Variants in DPYSL4 observed in about 807,000 individuals in gnomAD.
The protein encoded by DPYSL4 is dihydropyrimidinase-related protein 4.
DPYSL4 carries 43 observed loss-of-function variants against 63.4 expected under a neutral mutation model. The ratio of observed to expected loss-of-function variants is 0.68; its 90% confidence interval spans 0.53 to 0.88. The LOEUF (loss-of-function observed/expected upper bound fraction) is 0.88. DPYSL4 is among the 40% of genes least tolerant of loss of function. The pLI, the probability that DPYSL4 is intolerant of heterozygous loss-of-function variation, is 0.00. For missense variants in DPYSL4, 733 were observed against 819.5 expected (o/e 0.89, Z 1.29); for synonymous variants, 353 against 331.7 (o/e 1.06, Z -0.70).
rs746011381 is a variant in DPYSL4, at chr10:132,192,800, C to T, written c.271C>T (p.Gln91Ter). The change falls in exon 3 of 14, where the codon CAG becomes TAG. Residue 91 changes from glutamine to a stop codon, truncating the protein, a stop_gained. Transcript: ENST00000338492. LOFTEE classifies it high-confidence loss of function. ...CATGACACCGGCTGACGACTTCTGT[C>T]AGGGCACCAAGGCAGCGCTAGCAGG... The part of the protein sequence containing the change: ...LGMTPADDFC[Q>*]GTKAALAGGT... 6 of 1,612,868 alleles carry T rather than the reference C, an allele frequency of 3.7e-6. No individual in the cohort carries two copies. The highest frequency in any genetic ancestry group is 5.1e-6 in the Non-Finnish European group (6 of 1,179,854).
chr10:132,192,922 A>T (rs1590091851), intron 3 of DPYSL4, 80 bp downstream of exon 3: 4 of 1,428,004 alleles, frequency 2.8e-6, no homozygotes, highest in Non-Finnish European at 3.7e-6. Context: ...GTGTGGGAGG[A>T]GGAGTGTCGC....
chr10:132,200,705 A>G, intron 9 of DPYSL4, 137 bp from the exon 10 acceptor site: 1 of 1,374,074 alleles, frequency 7.3e-7, no homozygotes, highest in East Asian at 2.5e-5. Flanking sequence ...CCCTGCACAG[A>G]GGCACCAGCT....
At chr10:132,188,772 G>A (rs1041818738) in intron 1 of DPYSL4, among the ~76,000 whole-genome samples, 1 of 152,238 alleles carries the variant, frequency 6.6e-6, no homozygotes, top group African/African-American at 2.4e-5. Context: ...AACTTCATCT[G>A]TGGATGCTGC....
intron 1 of DPYSL4, among the ~76,000 whole-genome samples, chr10:132,187,327 C>T (rs1325200309): frequency 2.2e-4 from 3 of 13,386 alleles, no homozygotes; most frequent in African/African-American, 4.6e-4. Context: ...GGCGCCCAGG[C>T]CCGGCCCGGC....
At chr10:132,197,129 C>G (rs1336518126) in intron 6 of DPYSL4, 28 bp downstream of exon 6, 2 of 1,470,268 alleles carry the variant, frequency 1.4e-6, no homozygotes, top group South Asian at 2.8e-5. Context: ...TGCCGTGGGG[C>G]AGGCACAGGG....
intron 2 of DPYSL4, 96 bp from the exon 3 acceptor site, chr10:132,192,562 G>A: frequency 6.7e-7 from 1 of 1,484,730 alleles, no homozygotes; most frequent in Non-Finnish European, 8.9e-7. Context: ...GGGGTCTGGA[G>A]CTCATGCAAA....
chr10:132,193,586 C>A (rs557779065), intron 3 of DPYSL4, among the ~76,000 whole-genome samples: 1 of 152,368 alleles, frequency 6.6e-6, no homozygotes, highest in South Asian at 2.1e-4. Flanking sequence ...ATTCACTCTG[C>A]GGCGTCCGTC....
At chr10:132,194,067 AAC>A (rs2061910468) in intron 3 of DPYSL4, among the ~76,000 whole-genome samples, 2 of 152,234 alleles carry the variant, frequency 1.3e-5, no homozygotes, top group African/African-American at 4.8e-5. Flanking sequence ...AAGACAGAGA[AAC>A]ACCACAGACA....
intron 8 of DPYSL4, among the ~76,000 whole-genome samples, chr10:132,199,458 C>T (rs1565044135): frequency 6.6e-6 from 1 of 151,822 alleles, no homozygotes; most frequent in Non-Finnish European, 1.5e-5. Flanking sequence ...CTGTGGTGTC[C>T]CCCAGAGGCT....
chr10:132,203,953 G>C, intron 13 of DPYSL4, 26 bp downstream of exon 13: 1 of 1,579,372 alleles, frequency 6.3e-7, no homozygotes. Flanking sequence ...GGCACCAGTG[G>C]GGGTGAGGGG....
chr10:132,189,483 TG>T (rs1472586560), intron 1 of DPYSL4, among the ~76,000 whole-genome samples: 2 of 152,180 alleles, frequency 1.3e-5, no homozygotes, highest in Admixed American at 1.3e-4. Flanking sequence ...AGTCAATCCC[TG>T]TCTAACGCCA....
At chr10:132,196,142 G>A (rs1590096720) in intron 4 of DPYSL4, among the ~76,000 whole-genome samples, 2 of 152,226 alleles carry the variant, frequency 1.3e-5, no homozygotes. Context: ...TCCACCCAGC[G>A]AGGAGGAGAT....
Position 132,192,065 on chromosome 10 carries a change from A to AT in DPYSL4, c.129-593_129-592insT, listed in dbSNP as rs202030684. Among the ~76,000 whole-genome samples, 1,621 of 37,556 alleles carry AT rather than the reference A, an allele frequency of 0.043. 586 individuals carry two copies. In the East Asian group the frequency reaches 0.75, roughly 17 times the overall value. The allele number at this position is 37,556 out of a possible 152,430, so 24.6% of individuals were successfully genotyped here. ...ACGTGGTATCCAGGCAGGTGAAAATAGTTCCCAGCTCTTGTGTACACACTG... is the reference window on the plus strand; with the variant it reads ...ACGTGGTATCCAGGCAGGTGAAAATATGTTCCCAGCTCTTGTGTACACACTG... On this transcript the variant is annotated intron_variant, in intron 2 of 13. Coordinates refer to ENST00000338492, the MANE Select transcript of DPYSL4 (RefSeq NM_006426.3).
Position 132,190,813 on chromosome 10 carries a change from C to T in DPYSL4, c.106C>T (p.His36Tyr). 6.2e-7 allele frequency: 1 copy of T among 1,613,566 alleles called. No individual in the cohort carries two copies. Among genetic ancestry groups the T allele is most frequent in the Non-Finnish European group, 8.5e-7 (1 of 1,179,706 alleles). Residue 36 changes from histidine to tyrosine, a missense_variant, in exon 2 of 14, where the codon CAC becomes TAC. Transcript: ENST00000338492. ...CGACCAGTCCTTTTACGCTGATGTG[C>T]ACGTGGAAGATGGCTTGATAAAGTA... is the stretch of plus-strand genomic sequence containing the variant. ...NDDQSFYADV[H>Y]VEDGLIKQIG...
chr10:132,195,928 A>C (rs2818419), intron 4 of DPYSL4, among the ~76,000 whole-genome samples: 125,232 of 152,188 alleles, frequency 0.82, 51,668 homozygotes, highest in East Asian at 0.96. Flanking sequence ...GCTCCCCAAG[A>C]GCCATGCAGG....
At chr10:132,189,018 C>G (rs531432531) in intron 1 of DPYSL4, among the ~76,000 whole-genome samples, 2 of 152,196 alleles carry the variant, frequency 1.3e-5, no homozygotes, top group African/African-American at 4.8e-5. Flanking sequence ...TAATGGAGTT[C>G]CTAGATAATG....
intron 4 of DPYSL4, 96 bp from the exon 5 acceptor site, chr10:132,196,765 C>T: frequency 7.0e-7 from 1 of 1,432,738 alleles, no homozygotes; most frequent in Non-Finnish European, 9.7e-7. Flanking sequence ...GGGAGGGGCC[C>T]AAGACCCCCA....
At chr10:132,201,053 G>A in intron 10 of DPYSL4, 70 bp downstream of exon 10, 17 of 1,573,864 alleles carry the variant, frequency 1.1e-5, no homozygotes, top group African/African-American at 1.3e-5. Context: ...TGGCTGGTCA[G>A]AAGGGAGCCC....
intron 5 of DPYSL4, 21 bp downstream of exon 5, chr10:132,196,943 C>T (rs368028676): frequency 3.4e-5 from 55 of 1,613,592 alleles, no homozygotes; most frequent in South Asian, 8.8e-5. Flanking sequence ...GCGTGGGGAA[C>T]GGAGTGGGCA....
Sources: allele counts gnomAD v4.1 joint callset (sites outside exome capture counted in the v4.1 genomes callset), GRCh38; gene constraint gnomAD v4.1.1; transcripts MANE v1.5; gene names NCBI Gene and HGNC (gene_info 2026-07-23, HGNC 2026-07-21).